Variants in SLC38A8 observed in about 807,000 individuals in gnomAD.
The protein encoded by SLC38A8 is solute carrier family 38 member 8.
A neutral mutation model predicts 46.0 loss-of-function variants in SLC38A8; 65 were observed. That is an observed-to-expected ratio of 1.41 (90% CI 1.16 to 1.74). The LOEUF (loss-of-function observed/expected upper bound fraction) is 1.74, where lower values mean the gene tolerates loss of function less well. Among genes scored for constraint, SLC38A8 ranks in the 40% most tolerant of loss-of-function variants. SLC38A8 has a pLI of 0.00. For missense variants in SLC38A8, 998 were observed against 567.9 expected (o/e 1.76, Z -7.70); for synonymous variants, 447 against 243.7 (o/e 1.83, Z -7.77).
At chr16:84,033,607 G>T in intron 3 of SLC38A8, 138 bp from the exon 4 acceptor site, 1 of 947,888 alleles carries the variant, frequency 1.1e-6, no homozygotes, top group Non-Finnish European at 1.5e-6. Flanking sequence ...CAGACGACAA[G>T]TGAGATGGAG....
chr16:84,034,685 G>C (rs2085282024), intron 3 of SLC38A8, among the ~76,000 whole-genome samples: 1 of 152,224 alleles, frequency 6.6e-6, no homozygotes. Context: ...TGATGAAGGG[G>C]AAAGTTCCAA....
rs191773685 is a variant in SLC38A8, at chr16:84,035,676, A to T, written c.388+1026T>A. ...ATGAGAAGAGAACTTCTATACAAAC[A>T]CTAGTCTTAAGGATGCTAGAGTGCC... is the stretch of plus-strand genomic sequence containing the variant. On this transcript the variant is annotated intron_variant, in intron 3 of 10. Coordinates refer to ENST00000299709, the MANE Select transcript of SLC38A8 (RefSeq NM_001080442.3). 2.0e-5 allele frequency among the ~76,000 whole-genome samples: 3 copies of T among 152,344 alleles called. No individual in the cohort carries two copies. The East Asian group carries it at 5.8e-4, about 29-fold the overall frequency.
rs79903238 is a variant in SLC38A8, at chr16:84,021,235, T to C, written c.805+1540A>G. Among the ~76,000 whole-genome samples, 461 of 152,288 alleles carry C rather than the reference T, an allele frequency of 3.0e-3. 1 individual carries two copies. The highest frequency in any genetic ancestry group is 0.011 in the African/African-American group (438 of 41,560). On this transcript the variant is annotated intron_variant, in intron 7 of 10. Transcript: ENST00000299709. ...CCCGCCACCATGCTCGGCTAATTTT[T>C]TGTATTTTTAATAGAAATGCGGTTT...
At chr16:84,029,595 C>A (rs376480959) in intron 5 of SLC38A8, 44 bp from the exon 6 acceptor site, 140 of 1,587,444 alleles carry the variant, frequency 8.8e-5, no homozygotes, top group Non-Finnish European at 1.1e-4. Context: ...AAGGGTCACA[C>A]CCGGAACAAC....
chr16:84,017,366 C>G, intron 7 of SLC38A8, 79 bp from the exon 8 acceptor site: 1 of 1,517,488 alleles, frequency 6.6e-7, no homozygotes, highest in Non-Finnish European at 8.9e-7. Flanking sequence ...ACAGACAGCG[C>G]CTGGCTTTAC....
intron 7 of SLC38A8, among the ~76,000 whole-genome samples, chr16:84,020,562 C>T (rs559452912): frequency 6.6e-6 from 1 of 152,210 alleles, no homozygotes; most frequent in Non-Finnish European, 1.5e-5. Flanking sequence ...CCACTTATAC[C>T]TTCTGGGGCT....
intron 2 of SLC38A8, chr16:84,039,776 G>A (rs1460087047): frequency 7.0e-6 from 1 of 143,062 alleles, no homozygotes; most frequent in Non-Finnish European, 1.5e-5. Context: ...AAAGGCAGGG[G>A]AAGGTGTGGG....
At position 84,033,784 on chromosome 16, in the gene SLC38A8, T is replaced by C. The variant is rs562357117; in HGVS notation, c.389-315A>G. ...CCCTTACATTCTGGTGAAAGACTCT[T>C]TTGGTTTCGTTCGGGAACTCAATAG... is the stretch of plus-strand genomic sequence containing the variant. On this transcript the variant is annotated intron_variant, in intron 3 of 10. Coordinates refer to ENST00000299709, the MANE Select transcript of SLC38A8 (RefSeq NM_001080442.3). Among the ~76,000 whole-genome samples the C allele has an allele frequency of 7.9e-5, 12 of 152,186 alleles. No individual in the cohort carries two copies. In the South Asian group the frequency reaches 2.5e-3, roughly 32 times the overall value.
At chr16:84,028,479 G>C (rs571254292) in intron 6 of SLC38A8, among the ~76,000 whole-genome samples, 3 of 151,758 alleles carry the variant, frequency 2.0e-5, no homozygotes, top group Admixed American at 2.0e-4. Context: ...CAGCTACTCA[G>C]GAGGCTTGAA....
intron 3 of SLC38A8, 21 bp from the exon 4 acceptor site, chr16:84,033,490 G>C (rs376859335): frequency 6.3e-7 from 1 of 1,579,556 alleles, no homozygotes; most frequent in Non-Finnish European, 8.6e-7. Flanking sequence ...CACGGGGAGA[G>C]CTGAGCCACA....
intron 10 of SLC38A8, among the ~76,000 whole-genome samples, 174 bp from the exon 11 acceptor site, chr16:84,010,051 G>A (rs924049380): frequency 6.7e-6 from 1 of 149,890 alleles, no homozygotes; most frequent in Non-Finnish European, 1.5e-5. Flanking sequence ...ACAATGGGAA[G>A]CAAAGTACCC....
chr16:84,011,209 T>C (rs1048910500), intron 10 of SLC38A8, among the ~76,000 whole-genome samples: 2 of 152,190 alleles, frequency 1.3e-5, no homozygotes, highest in African/African-American at 4.8e-5. Flanking sequence ...GCAGCGCTGA[T>C]GTATTAGAAG....
intron 9 of SLC38A8, among the ~76,000 whole-genome samples, chr16:84,013,420 G>GT (rs1383553761): frequency 2.1e-5 from 2 of 94,642 alleles, no homozygotes; most frequent in Admixed American, 9.7e-5. Flanking sequence ...TTTGTTGTGT[G>GT]TGTGTTTTTT....
chr16:84,013,602 T>C (rs1025685358), intron 9 of SLC38A8, among the ~76,000 whole-genome samples: 2 of 151,960 alleles, frequency 1.3e-5, no homozygotes, highest in African/African-American at 4.8e-5. Context: ...CGCTCATTTT[T>C]GTATTTTTAG....
intron 9 of SLC38A8, among the ~76,000 whole-genome samples, chr16:84,013,382 C>G (rs188770199): frequency 6.7e-6 from 1 of 149,108 alleles, no homozygotes; most frequent in Non-Finnish European, 1.5e-5. Flanking sequence ...GGGAAGTGCT[C>G]GGCAACTGGC....
At chr16:84,038,257 G>A (rs12933240) in intron 2 of SLC38A8, among the ~76,000 whole-genome samples, 39,104 of 151,696 alleles carry the variant, frequency 0.26, 5,091 homozygotes, top group East Asian at 0.33. Context: ...GTTGCAGTAA[G>A]CTGAGATCGT....
At chr16:84,028,852 CCCATACATCCTTCAA>C (rs2085200775) in intron 6 of SLC38A8, among the ~76,000 whole-genome samples, 1 of 152,156 alleles carries the variant, frequency 6.6e-6, no homozygotes. Flanking sequence ...CTGGCTGCTG[CCCATACATCCTTCAA>C]GATCCCTTTC....
intron 6 of SLC38A8, among the ~76,000 whole-genome samples, chr16:84,025,455 C>T (rs1427421760): frequency 6.6e-6 from 1 of 152,196 alleles, no homozygotes; most frequent in African/African-American, 2.4e-5. Flanking sequence ...TCACACAGCC[C>T]GTGTCCTCAA....
intron 2 of SLC38A8, chr16:84,040,075 C>A (rs180945820): frequency 6.6e-6 from 1 of 152,274 alleles, no homozygotes; most frequent in African/African-American, 2.4e-5. Context: ...AACCCTAACG[C>A]GTCAGGCTTC....
Sources: gnomAD v4.1 joint callset for allele counts (sites outside exome capture counted in the v4.1 genomes callset) on GRCh38, gnomAD v4.1.1 for gene constraint, MANE v1.5 for transcripts, NCBI Gene and HGNC (gene_info 2026-07-23, HGNC 2026-07-21) for gene names.